RARB: variants seen among roughly 807,000 people sequenced by gnomAD.
The protein encoded by RARB is retinoic acid receptor beta.
Under a neutral mutation model 51.9 loss-of-function variants are expected in RARB, and 17 were observed. That is an observed-to-expected ratio of 0.33 (90% CI 0.22 to 0.49). The LOEUF (loss-of-function observed/expected upper bound fraction) is 0.49. Among genes scored for constraint, RARB ranks in the 20% least tolerant of loss-of-function variants. The probability of loss-of-function intolerance (pLI) is 0.99; values close to 1 mark genes in which losing one functional copy is unlikely to be tolerated. For missense variants in RARB, 369 were observed against 550.8 expected (o/e 0.67, Z 3.30); for synonymous variants, 215 against 195.4 (o/e 1.10, Z -0.84).
intron 3 of RARB, among the ~76,000 whole-genome samples, chr3:25,080,813 G>T (rs992878841): frequency 9.9e-5 from 15 of 152,154 alleles, no homozygotes; most frequent in African/African-American, 3.1e-4. Context: ...GCCTTATCAG[G>T]TATGTTTTGC....
chr3:25,021,864 G>C (rs942324384), intron 2 of RARB, among the ~76,000 whole-genome samples: 4 of 152,002 alleles, frequency 2.6e-5, no homozygotes, highest in Non-Finnish European at 4.4e-5. Flanking sequence ...TTGCTTCCCA[G>C]GTTCATGCTC....
intron 2 of RARB, among the ~76,000 whole-genome samples, chr3:25,017,054 A>G (rs1697525198): frequency 6.6e-6 from 1 of 152,154 alleles, no homozygotes; most frequent in Non-Finnish European, 1.5e-5. Flanking sequence ...ATGTTTAAGG[A>G]GAAAGGAATT....
At chr3:24,879,712 C>T (rs142605219) in intron 2 of RARB, among the ~76,000 whole-genome samples, 3 of 151,958 alleles carry the variant, frequency 2.0e-5, no homozygotes, top group Non-Finnish European at 2.9e-5. Flanking sequence ...TTAGGATCAC[C>T]GTGGCAGAAG....
chr3:25,590,210 T>C (rs1701561860), intron 5 of RARB, among the ~76,000 whole-genome samples: 1 of 152,222 alleles, frequency 6.6e-6, no homozygotes, highest in South Asian at 2.1e-4. Context: ...CTCATCAGAA[T>C]CCAAATACAT....
chr3:25,388,680 A>G (rs1410734326), intron 5 of RARB, among the ~76,000 whole-genome samples: 2 of 152,238 alleles, frequency 1.3e-5, no homozygotes, highest in Non-Finnish European at 1.5e-5. Flanking sequence ...CATTGTGACA[A>G]TTCACAGAGA....
At chr3:25,319,310 A>T (rs2125438343) in intron 5 of RARB, among the ~76,000 whole-genome samples, 1 of 152,304 alleles carries the variant, frequency 6.6e-6, no homozygotes. Context: ...ATGCCCACAT[A>T]ATAACTAAAT....
upstream of RARB, among the ~76,000 whole-genome samples, chr3:25,425,776 A>T (rs1197492259): frequency 2.0e-5 from 3 of 152,204 alleles, no homozygotes; most frequent in African/African-American, 4.8e-5. Flanking sequence ...AATGAGGCTG[A>T]TTCCATAGCT....
chr3:24,924,263 T>C (rs1392416159), intron 2 of RARB, among the ~76,000 whole-genome samples: 1 of 152,196 alleles, frequency 6.6e-6, no homozygotes, highest in African/African-American at 2.4e-5. Flanking sequence ...GATAAAATAG[T>C]CATTCAAATG....
At chr3:25,429,409 G>A (rs1287916171) in intron 1 of RARB, among the ~76,000 whole-genome samples, 1 of 152,114 alleles carries the variant, frequency 6.6e-6, no homozygotes, top group Non-Finnish European at 1.5e-5. Context: ...TGCTGCTCCC[G>A]AAGTTCATAA....
chr3:24,868,420 G>A (rs960514475), intron 2 of RARB, among the ~76,000 whole-genome samples: 1 of 151,980 alleles, frequency 6.6e-6, no homozygotes, highest in Non-Finnish European at 1.5e-5. Flanking sequence ...CTCTGTCGTG[G>A]CTACTTTCCA....
At chr3:25,500,454 G>GTTTTTTTTTTTTTTCTTT (rs1697244942) in intron 2 of RARB, among the ~76,000 whole-genome samples, 1 of 66,144 alleles carries the variant, frequency 1.5e-5, no homozygotes, top group Non-Finnish European at 2.9e-5. Flanking sequence ...TTCTTTTCTT[G>GTTTTTTTTTTTTTTCTTT]TTTTTTTTTT....
intron 2 of RARB, among the ~76,000 whole-genome samples, chr3:25,034,122 C>T (rs1697933937): frequency 6.6e-6 from 1 of 152,104 alleles, no homozygotes; most frequent in South Asian, 2.1e-4. Flanking sequence ...CCAGTCTGGC[C>T]AACATGGTGA....
chr3:25,357,221 A>G (rs1283772839), intron 5 of RARB, among the ~76,000 whole-genome samples: 1 of 152,164 alleles, frequency 6.6e-6, no homozygotes, highest in Admixed American at 6.5e-5. Flanking sequence ...CTAGCATGAG[A>G]TGGTATCTCA....
At chr3:25,055,868 G>A (rs754395058) in intron 2 of RARB, among the ~76,000 whole-genome samples, 1 of 152,084 alleles carries the variant, frequency 6.6e-6, no homozygotes, top group Non-Finnish European at 1.5e-5. Context: ...TGTTGGGAGT[G>A]AAAGTACATG....
intron 5 of RARB, among the ~76,000 whole-genome samples, chr3:25,372,269 A>G (rs1905467): frequency 0.43 from 65,931 of 151,940 alleles, 14,797 homozygotes; most frequent in East Asian, 0.78. Flanking sequence ...TGTCCTATGT[A>G]TTGTAGGATA....
rs67227419 is a variant in RARB at position 25,294,897 on chromosome 3, G to T, written c.178+120322G>T. ...CATTCCCTGCCTTTACCCTGCTCTG[G>T]TCTTTATCACAGGGTATCGAGGTGT... On this transcript the variant is annotated intron_variant, in intron 5 of 11. Coordinates refer to the RARB transcript ENST00000383772. Among the ~76,000 whole-genome samples, 4 of 152,064 alleles carry T rather than the reference G, an allele frequency of 2.6e-5. No individual in the cohort carries two copies. The East Asian group carries it at 5.8e-4, about 22-fold the overall frequency.
intron 3 of RARB, among the ~76,000 whole-genome samples, chr3:25,545,255 G>A (rs570054892): frequency 6.6e-6 from 1 of 152,216 alleles, no homozygotes; most frequent in South Asian, 2.1e-4. Context: ...TGGTGGCTAG[G>A]CATTTTCTAT....
chr3:25,378,610 C>T (rs138075004), intron 5 of RARB, among the ~76,000 whole-genome samples: 3 of 152,302 alleles, frequency 2.0e-5, no homozygotes, highest in South Asian at 2.1e-4. Flanking sequence ...AAACCCAACA[C>T]GGTTTTAATT....
chr3:25,345,419 C>T (rs1705359883), intron 5 of RARB, among the ~76,000 whole-genome samples: 1 of 152,094 alleles, frequency 6.6e-6, no homozygotes, highest in South Asian at 2.1e-4. Flanking sequence ...GTAATCCCAG[C>T]ACTTTGGGAG....
Sources: allele counts gnomAD v4.1 joint callset (sites outside exome capture counted in the v4.1 genomes callset), GRCh38; gene constraint gnomAD v4.1.1; transcripts MANE v1.5; gene names NCBI Gene and HGNC (gene_info 2026-07-23, HGNC 2026-07-21).